The following TMEM63A variants were observed in gnomAD, a reference collection of about 807,000 sequenced individuals.
TMEM63A encodes mechanosensitive cation channel TMEM63A.
In TMEM63A, 76 loss-of-function variants were observed where a neutral mutation model predicts 100.6. The ratio of observed to expected loss-of-function variants is 0.76; its 90% confidence interval spans 0.63 to 0.91. TMEM63A has a LOEUF of 0.91. Among genes scored for constraint, TMEM63A ranks in the 40% least tolerant of loss-of-function variants. TMEM63A has a pLI of 0.00. For synonymous variants in TMEM63A, 401 were observed against 401.1 expected (o/e 1.00, Z 0.00); for missense variants, 876 against 1,008.8 (o/e 0.87, Z 1.78).
Position 225,862,078 on chromosome 1 carries a change from G to C in TMEM63A, c.1085+140C>G, listed in dbSNP as rs879839926. 4 of 1,303,806 alleles carry C rather than the reference G, an allele frequency of 3.1e-6. No homozygotes were observed. The South Asian group carries it at 5.7e-5, about 19-fold the overall frequency. The allele number at this position is 1,303,806 out of a possible 1,614,324, so 80.8% of individuals were successfully genotyped here. On this transcript the variant is annotated intron_variant, in intron 13 of 24. Transcript: ENST00000366835. The surrounding 1 kb of genome is among the most constrained non-coding windows in gnomAD (Gnocchi z 5.1). ...TGGCTGAAAGTGAGTGTGGGTAGCTGAGGGAGGAGAAGGAAACACCACAGA... is the reference window on the plus strand; with the variant it reads ...TGGCTGAAAGTGAGTGTGGGTAGCTCAGGGAGGAGAAGGAAACACCACAGA...
In TMEM63A at chr1:225,871,226, A is replaced by C; in HGVS notation, c.334-113T>G. The C allele has an allele frequency of 5.3e-6, 6 of 1,141,196 alleles. No individual in the cohort carries two copies. The Admixed American group carries it at 1.2e-4, about 23-fold the overall frequency. 70.7% of individuals were successfully genotyped at this position (1,141,196 alleles called of 1,614,324 possible). On this transcript the variant is annotated intron_variant, in intron 5 of 24. Coordinates refer to ENST00000366835, the MANE Select transcript of TMEM63A (RefSeq NM_014698.3). ...TTTAACCTCCTGTTGTATAAAAAAC[A>C]GTGCTTTTATCCCATATTCAGCAAG... is the stretch of plus-strand genomic sequence containing the variant.
chr1:225,874,689 C>T (rs1470495854), intron 3 of TMEM63A, among the ~76,000 whole-genome samples: 1 of 152,254 alleles, frequency 6.6e-6, no homozygotes, highest in African/African-American at 2.4e-5. Context: ...ACCACAAGGC[C>T]CAGTCTCGGG....
downstream of TMEM63A, chr1:225,845,046 G>A (rs1668826739): frequency 7.9e-7 from 1 of 1,272,536 alleles, no homozygotes; most frequent in Non-Finnish European, 1.1e-6. Context: ...TTGTGGGTGG[G>A]CCAGCTGATC....
At chr1:225,857,582 A>C (rs1436335400) in intron 15 of TMEM63A, among the ~76,000 whole-genome samples, 1 of 152,156 alleles carries the variant, frequency 6.6e-6, no homozygotes, top group Non-Finnish European at 1.5e-5. Flanking sequence ...CTTTGGAAAG[A>C]CTTAATAAAA....
chr1:225,846,695 T>C lies in TMEM63A; in HGVS notation c.*244A>G, dbSNP rs1669009555. On this transcript the variant is annotated 3_prime_UTR_variant, in exon 25 of 25. Transcript: ENST00000366835. ...TTTGGGGGGCGAAAAGTCCACCACA[T>C]GGTCTTGGCGACAAACCACTGGGGA... 1 of 232,498 alleles carries C rather than the reference T, an allele frequency of 4.3e-6. No individual in the cohort carries two copies. The highest frequency in any genetic ancestry group is 8.4e-6 in the Non-Finnish European group (1 of 119,748). The allele number at this position is 232,498 out of a possible 1,614,324, so 14.4% of individuals were successfully genotyped here.
rs1669249674 is a variant in TMEM63A, at chr1:225,850,174, C to G, written c.1904-95G>C. 6 of 1,455,592 alleles carry G rather than the reference C, an allele frequency of 4.1e-6. No individual in the cohort carries two copies. The African/African-American group carries it at 5.6e-5, about 14-fold the overall frequency. 90.2% of individuals were successfully genotyped at this position (1,455,592 alleles called of 1,614,324 possible). A position where few individuals can be genotyped will look rare whatever the true frequency, so the allele number is the denominator to read the frequency against. On this transcript the variant is annotated intron_variant, in intron 20 of 24. Coordinates refer to ENST00000366835, the MANE Select transcript of TMEM63A (RefSeq NM_014698.3). Reference sequence around the variant, plus strand: ...CGGGGCGGCTATTTTGGCAAGGAGCCAGGGCTGGGGCTGCTGCTCTACTGC... The same window carrying G: ...CGGGGCGGCTATTTTGGCAAGGAGCGAGGGCTGGGGCTGCTGCTCTACTGC...
At chr1:225,840,612 T>G (rs1668317516), downstream of TMEM63A, among the ~76,000 whole-genome samples, 1 of 152,120 alleles carries the variant, frequency 6.6e-6, no homozygotes, top group Non-Finnish European at 1.5e-5. Context: ...ATCCACAGAG[T>G]AATATCAATT....
intron 23 of TMEM63A, chr1:225,848,198 C>T: frequency 2.3e-6 from 1 of 433,284 alleles, no homozygotes; most frequent in Non-Finnish European, 4.1e-6. Context: ...TTCACTAAAG[C>T]CCCAAACTCA....
intron 8 of TMEM63A, 102 bp from the exon 9 acceptor site, chr1:225,866,784 C>G: frequency 9.9e-7 from 1 of 1,005,572 alleles, no homozygotes; most frequent in Admixed American, 2.0e-5. Flanking sequence ...GAACTGAGGA[C>G]CAACAGCTTC....
At chr1:225,856,814 C>A (rs548616363) in intron 16 of TMEM63A, 76 bp from the exon 17 acceptor site, 173 of 1,582,360 alleles carry the variant, frequency 1.1e-4, no homozygotes, top group South Asian at 5.5e-4. Context: ...CTGCCATGTG[C>A]CCACTGCCTG....
At chr1:225,871,501 T>C in intron 5 of TMEM63A, 1 of 220,896 alleles carries the variant, frequency 4.5e-6, no homozygotes, top group Non-Finnish European at 9.0e-6. Flanking sequence ...AAAGGGTGTC[T>C]GCAGGTTTTA....
rs892083279 is a variant in TMEM63A, at chr1:225,849,076, G to C, written c.2072-64C>G. On this transcript the variant is annotated intron_variant, in intron 21 of 24. Transcript: ENST00000366835. Reference sequence around the variant, plus strand: ...AGGGGCCACCACCTACCCTCACCCTGCTGAGGAAGGGGCCGCACCTGGTGT... The same window carrying C: ...AGGGGCCACCACCTACCCTCACCCTCCTGAGGAAGGGGCCGCACCTGGTGT... The C allele has an allele frequency of 8.8e-6, 11 of 1,252,090 alleles. No individual in the cohort carries two copies. In the Admixed American group the frequency reaches 2.2e-4, roughly 25 times the overall value. 77.6% of individuals were successfully genotyped at this position (1,252,090 alleles called of 1,614,324 possible).
intron 5 of TMEM63A, chr1:225,871,515 T>C (rs1039937907): frequency 2.8e-5 from 6 of 215,934 alleles, no homozygotes; most frequent in Non-Finnish European, 5.6e-5. Flanking sequence ...GGTTTTATTG[T>C]CCTTCACATC....
Position 225,862,529 on chromosome 1 carries a change from T to A in TMEM63A, c.877A>T (p.Thr293Ser), listed in dbSNP as rs550369429. 6.8e-6 allele frequency: 11 copies of A among 1,614,086 alleles called. No individual in the cohort carries two copies. The highest frequency in any genetic ancestry group is 6.7e-5 in the Admixed American group (4 of 60,024). The change falls in exon 12 of 25, where the codon ACA becomes TCA. Residue 293 changes from threonine to serine, a missense_variant. Physicochemically the swap from Thr to Ser is moderately conservative, Grantham distance 58 (BLOSUM62 1). Around this residue, in one of 5 missense-constraint regions of TMEM63A, gnomAD observed 487 missense variants for 581.9 expected, o/e 0.84. Coordinates refer to ENST00000366835, the MANE Select transcript of TMEM63A (RefSeq NM_014698.3). The surrounding 1 kb of genome is among the most constrained non-coding windows in gnomAD (Gnocchi z 5.1). ...LTYYTNLQVK[T>S]GQRTLINPKP... is the part of the protein sequence containing the mutation. ...GGGTTGATGAGGGTCCGCTGGCCTG[T>A]CTTCACCTGCAGGTTTGTGTAATAG...
chr1:225,869,671 T>TTTTTTC (rs1559047939), intron 6 of TMEM63A, among the ~76,000 whole-genome samples: 63 of 12,828 alleles, frequency 4.9e-3, no homozygotes, highest in African/African-American at 6.2e-3. Context: ...CTTTTCTTTT[T>TTTTTTC]TTTTTTTTTT....
At chr1:225,845,292 C>A, downstream of TMEM63A, 1 of 1,612,804 alleles carries the variant, frequency 6.2e-7, no homozygotes, top group Non-Finnish European at 8.5e-7. Context: ...TTTGAGGAGC[C>A]GGAGCTGCTC....
chr1:225,844,147 G>A (rs1576047815), downstream of TMEM63A, among the ~76,000 whole-genome samples: 1 of 152,182 alleles, frequency 6.6e-6, no homozygotes, highest in Non-Finnish European at 1.5e-5. Context: ...AGAACATGCT[G>A]CCTGGTATGT....
chr1:225,871,047 C>T, intron 6 of TMEM63A, 29 bp downstream of exon 6: 1 of 1,612,966 alleles, frequency 6.2e-7, no homozygotes, highest in Non-Finnish European at 8.5e-7. Context: ...CCCAAAGGCC[C>T]CCCAGCAGCT....
chr1:225,877,871 T>G (rs1025656355), intron 2 of TMEM63A, among the ~76,000 whole-genome samples: 1 of 152,118 alleles, frequency 6.6e-6, no homozygotes, highest in Non-Finnish European at 1.5e-5. Flanking sequence ...GGGGGCGACA[T>G]GGAGCAAAGG....
Sources: gnomAD v4.1 joint callset for allele counts (sites outside exome capture counted in the v4.1 genomes callset) on GRCh38, gnomAD v4.1.1 for gene constraint, gnomAD v4.1.1 regional missense constraint, Gnocchi (gnomAD v3.1) non-coding constraint, MANE v1.5 for transcripts, NCBI Gene and HGNC (gene_info 2026-07-23, HGNC 2026-07-21) for gene names.